DPP4: variants seen among roughly 807,000 people sequenced by gnomAD.
DPP4 encodes the protein ADCP-2.
Under a neutral mutation model 122.4 loss-of-function variants are expected in DPP4, and 93 were observed. That is an observed-to-expected ratio of 0.76 (90% CI 0.64 to 0.90). The LOEUF is 0.90. DPP4 is among the 40% of genes least tolerant of loss of function. The pLI is 0.00. For synonymous variants in DPP4, 321 were observed against 302.9 expected (o/e 1.06, Z -0.62); for missense variants, 914 against 907.3 (o/e 1.01, Z -0.09).
At chr2:162,062,748 GAA>G (rs761068668) in intron 2 of DPP4, among the ~76,000 whole-genome samples, 8 of 152,236 alleles carry the variant, frequency 5.3e-5, no homozygotes, top group Non-Finnish European at 8.8e-5. Context: ...ACTAGCCAGA[GAA>G]ACTCTGCTTT....
chr2:162,020,533 A>G (rs1195334650), intron 13 of DPP4, 48 bp downstream of exon 13: 5 of 1,313,838 alleles, frequency 3.8e-6, no homozygotes, highest in South Asian at 3.0e-5. Flanking sequence ...TTGGTTTCCA[A>G]AAAAAAAAAA....
At chr2:162,040,900 G>A (rs1683961229) in intron 5 of DPP4, among the ~76,000 whole-genome samples, 1 of 151,766 alleles carries the variant, frequency 6.6e-6, no homozygotes, top group Non-Finnish European at 1.5e-5. Flanking sequence ...ACCTAAAGCT[G>A]TTCTGAAAAA....
At chr2:162,038,551 A>G (rs551896227) in intron 7 of DPP4, 129 bp from the exon 8 acceptor site, 23 of 985,508 alleles carry the variant, frequency 2.3e-5, no homozygotes, top group Non-Finnish European at 3.1e-5. Context: ...AAACAGGAAG[A>G]GTCATTTACT....
intron 21 of DPP4, 117 bp from the exon 22 acceptor site, chr2:162,008,778 A>T: frequency 1.1e-6 from 1 of 882,212 alleles, no homozygotes; most frequent in Non-Finnish European, 1.8e-6. Context: ...AGAGATAAAA[A>T]GCATGGTATA....
At chr2:162,030,583 C>A (rs919878994) in intron 10 of DPP4, among the ~76,000 whole-genome samples, 2 of 152,158 alleles carry the variant, frequency 1.3e-5, no homozygotes. Flanking sequence ...GCGTAACTCA[C>A]CTGGTTTTGC....
rs557741774 is a variant in DPP4 at position 162,047,343 on chromosome 2, T to C, written c.193+60A>G. The C allele has an allele frequency of 1.0e-5, 10 of 982,804 alleles. No homozygotes were observed. The South Asian group carries it at 1.8e-4, about 17-fold the overall frequency. The allele number at this position is 982,804 out of a possible 1,614,324, so 60.9% of individuals were successfully genotyped here. A position where few individuals can be genotyped will look rare whatever the true frequency, so the allele number is the denominator to read the frequency against. On this transcript the variant is annotated intron_variant, in intron 3 of 25. Transcript: ENST00000360534. ...CTTCTCAGTGCCATAAAAGCCCACA[T>C]CTCGACTTAACTAGAATGAATGTAA... is the stretch of plus-strand genomic sequence containing the variant.
chr2:162,013,178 A>G (rs1682767945), intron 19 of DPP4, among the ~76,000 whole-genome samples: 1 of 151,996 alleles, frequency 6.6e-6, no homozygotes. Context: ...GAGGAAAAGG[A>G]AAATAACTGA....
At chr2:162,069,743 T>A (rs1015662676) in intron 2 of DPP4, among the ~76,000 whole-genome samples, 1 of 152,192 alleles carries the variant, frequency 6.6e-6, no homozygotes, top group Non-Finnish European at 1.5e-5. Flanking sequence ...CTGGAACAGA[T>A]CCTGGACTTC....
intron 10 of DPP4, among the ~76,000 whole-genome samples, chr2:162,027,067 G>T (rs1453694740): frequency 6.6e-6 from 1 of 152,096 alleles, no homozygotes; most frequent in Non-Finnish European, 1.5e-5. Flanking sequence ...CATGTATAAT[G>T]AAATATTATT....
At chr2:162,036,305 T>C (rs73971537) in intron 8 of DPP4, among the ~76,000 whole-genome samples, 4,209 of 152,296 alleles carry the variant, frequency 0.028, 210 homozygotes, top group African/African-American at 0.096. Flanking sequence ...AAATGCTTTT[T>C]TTCAACAACA....
intron 10 of DPP4, among the ~76,000 whole-genome samples, chr2:162,028,949 T>G (rs374592319): frequency 1.3e-5 from 2 of 152,268 alleles, no homozygotes; most frequent in South Asian, 2.1e-4. Context: ...GCTCCCTCTA[T>G]GAAACCTCCA....
At chr2:162,033,919 C>A (rs1226989574) in intron 9 of DPP4, among the ~76,000 whole-genome samples, 1 of 125,724 alleles carries the variant, frequency 8.0e-6, no homozygotes, top group Admixed American at 8.7e-5. Context: ...CTTGAAGGTC[C>A]AAAGCACTTC....
intron 23 of DPP4, among the ~76,000 whole-genome samples, chr2:162,004,196 C>G (rs1004732966): frequency 2.0e-5 from 3 of 152,142 alleles, no homozygotes; most frequent in African/African-American, 7.2e-5. Context: ...AAGAAGGAAC[C>G]ATGAACATGT....
At chr2:162,054,284 C>A (rs551100113) in intron 2 of DPP4, among the ~76,000 whole-genome samples, 1 of 152,344 alleles carries the variant, frequency 6.6e-6, no homozygotes, top group African/African-American at 2.4e-5. Context: ...CACAGAGTCA[C>A]AGCTGGAGAG....
Position 162,047,008 on chromosome 2 carries a change from T to TAAAG in DPP4, c.194-6_194-3dup, listed in dbSNP as rs2106135163. The TAAAG allele has an allele frequency of 2.6e-6, 4 of 1,517,502 alleles. No individual in the cohort carries two copies. The East Asian group carries it at 9.0e-5, about 34-fold the overall frequency. 94.0% of individuals were successfully genotyped at this position (1,517,502 alleles called of 1,614,324 possible). On this transcript the variant is annotated splice_polypyrimidine_tract_variant and splice_region_variant and intron_variant, in intron 3 of 25. Transcript: ENST00000360534. ...CTTGTTTGTAGAGATATTCATGATCTAAAGAGAGAAAACACCCAGATCAAA... is the reference window on the plus strand; with the variant it reads ...CTTGTTTGTAGAGATATTCATGATCTAAAGAAAGAGAGAAAACACCCAGATCAAA...
rs1207798203 is a variant in DPP4, at chr2:162,009,389, T to C, written c.1833-94A>G. 6 of 1,119,838 alleles carry C rather than the reference T, an allele frequency of 5.4e-6. No homozygotes were observed. In the East Asian group the frequency reaches 7.2e-5, roughly 13 times the overall value. The allele number at this position is 1,119,838 out of a possible 1,614,324, so 69.4% of individuals were successfully genotyped here. On this transcript the variant is annotated intron_variant, in intron 20 of 25. Coordinates refer to ENST00000360534, the MANE Select transcript of DPP4 (RefSeq NM_001935.4). Reference sequence around the variant, plus strand: ...ATGTGAAACCCTGCCATTTGTTCTCTGCTTCATTCTATTAGAGACTAAAAA... The same window carrying C: ...ATGTGAAACCCTGCCATTTGTTCTCCGCTTCATTCTATTAGAGACTAAAAA...
intron 5 of DPP4, among the ~76,000 whole-genome samples, chr2:162,044,106 C>G (rs1489825783): frequency 6.6e-6 from 1 of 152,160 alleles, no homozygotes; most frequent in African/African-American, 2.4e-5. Context: ...AACCTGGACA[C>G]TGGGAAGTTT....
intron 10 of DPP4, among the ~76,000 whole-genome samples, chr2:162,028,457 A>G (rs1051557795): frequency 2.0e-5 from 3 of 152,252 alleles, no homozygotes; most frequent in Admixed American, 1.3e-4. Context: ...CAGGATTATC[A>G]TCTATGCTTT....
In DPP4 at chr2:162,005,825, A is replaced by T; in HGVS notation, c.1988-16T>A. 1 of 1,605,912 alleles carries T rather than the reference A, an allele frequency of 6.2e-7. No individual in the cohort carries two copies. The highest frequency in any genetic ancestry group is 8.5e-7 in the Non-Finnish European group (1 of 1,176,784). ...TACACTGAGTCTGTGAAAGAAAAAA[A>T]AATAAAAAAAAGTTTAATTCATACA... is the stretch of plus-strand genomic sequence containing the variant. On this transcript the variant is annotated splice_polypyrimidine_tract_variant and intron_variant, in intron 22 of 25. Transcript: ENST00000360534.
Sources: allele counts gnomAD v4.1 joint callset (sites outside exome capture counted in the v4.1 genomes callset), GRCh38; gene constraint gnomAD v4.1.1; transcripts MANE v1.5; gene names NCBI Gene and HGNC (gene_info 2026-07-23, HGNC 2026-07-21).